The following PLEKHM2 variants were observed in gnomAD, a reference collection of about 807,000 sequenced individuals.
PLEKHM2 encodes the protein pleckstrin homology domain-containing family M member 2.
A neutral mutation model predicts 116.3 loss-of-function variants in PLEKHM2; 77 were observed. That is an observed-to-expected ratio of 0.66 (90% CI 0.55 to 0.80). The LOEUF is 0.80. Among genes scored for constraint, PLEKHM2 ranks in the 30% least tolerant of loss-of-function variants. The pLI, the probability that PLEKHM2 is intolerant of heterozygous loss-of-function variation, is 0.00. For missense variants in PLEKHM2, 1,183 were observed against 1,354.9 expected (o/e 0.87, Z 1.99); for synonymous variants, 562 against 571.0 (o/e 0.98, Z 0.22).
At chr1:15,716,933 G>A in intron 3 of PLEKHM2, 117 bp downstream of exon 3, 2 of 1,267,348 alleles carry the variant, frequency 1.6e-6, no homozygotes, top group Non-Finnish European at 2.2e-6. Context: ...TTACCTGGTG[G>A]TGTCCAGTAG....
At chr1:15,685,541 G>GAAAAAAAAAAAAAAAAAAAGA (rs1640751476) in intron 1 of PLEKHM2, among the ~76,000 whole-genome samples, 6 of 73,462 alleles carry the variant, frequency 8.2e-5, no homozygotes, top group South Asian at 6.6e-4. Context: ...CTCAGAAACT[G>GAAAAAAAAAAAAAAAAAAAGA]AAAAAAAAAA....
At chr1:15,730,790 C>A in intron 15 of PLEKHM2, 68 bp downstream of exon 15, 2 of 1,301,166 alleles carry the variant, frequency 1.5e-6, no homozygotes, top group Non-Finnish European at 2.1e-6. Context: ...AGGTCCCCAG[C>A]GGGGATCTCT....
At position 15,728,231 on chromosome 1, in the gene PLEKHM2, G is replaced by A. The variant is rs762862277; in HGVS notation, c.1831-36G>A. On this transcript the variant is annotated intron_variant, in intron 10 of 19. Coordinates refer to ENST00000375799, the MANE Select transcript of PLEKHM2 (RefSeq NM_015164.4). The surrounding 1 kb of genome is among the most constrained non-coding windows in gnomAD (Gnocchi z 5.9). ...CACCGCCCCCGCTGGAGCGGCAGGA[G>A]CCACCTGCCTGACCCTTGTCTGCTT... The A allele has an allele frequency of 6.1e-5, 98 of 1,608,858 alleles. No homozygotes were observed. The Middle Eastern group carries it at 6.6e-4, about 11-fold the overall frequency.
rs1162344177 is a variant in PLEKHM2 at position 15,727,352 on chromosome 1, G to A, written c.1280G>A (p.Cys427Tyr). ...LNGQLDPSTW[C>Y]SRAEPPDQSF... The stretch of plus-strand genomic sequence containing the variant: ...GGGCAGCTGGACCCCAGCACCTGGT[G>A]CTCCCGTGCTGAGCCCCCAGACCAG... The change falls in exon 9 of 20, where the codon TGC becomes TAC. Residue 427 changes from cysteine to tyrosine, a missense_variant. Cys to Tyr is a radical substitution (Grantham distance 194). Around this residue, in one of 3 missense-constraint regions of PLEKHM2, gnomAD observed 372 missense variants for 357.2 expected, o/e 1.04. Transcript: ENST00000375799. The surrounding 1 kb of genome is among the most constrained non-coding windows in gnomAD (Gnocchi z 7.5). The A allele has an allele frequency of 6.3e-7, 1 of 1,597,372 alleles. No individual in the cohort carries two copies. The highest frequency in any genetic ancestry group is 1.3e-5 in the African/African-American group (1 of 74,572).
intron 1 of PLEKHM2, among the ~76,000 whole-genome samples, chr1:15,705,162 G>C (rs1005552936): frequency 1.4e-5 from 2 of 141,468 alleles, no homozygotes; most frequent in Non-Finnish European, 3.0e-5. Flanking sequence ...ATGTCTCCAC[G>C]TAGATATCTT....
Position 15,694,973 on chromosome 1 carries a change from G to C in PLEKHM2, c.60+10355G>C, listed in dbSNP as rs564593523. Among the ~76,000 whole-genome samples, 14 of 152,218 alleles carry C rather than the reference G, an allele frequency of 9.2e-5. No homozygotes were observed. In the East Asian group the frequency reaches 2.5e-3, roughly 27 times the overall value. On this transcript the variant is annotated intron_variant, in intron 1 of 19. Coordinates refer to ENST00000375799, the MANE Select transcript of PLEKHM2 (RefSeq NM_015164.4). ...GGGTTTCATCATATTGGCCAGGCTG[G>C]TCTTGAACTTCTGACATCAAGTGAT...
intron 3 of PLEKHM2, 90 bp from the exon 4 acceptor site, chr1:15,717,803 G>A: frequency 1.2e-6 from 1 of 810,588 alleles, no homozygotes; most frequent in Non-Finnish European, 2.1e-6. Flanking sequence ...CCCATTACCT[G>A]CTCTTTCTTT....
chr1:15,718,025 C>T (rs1042120145), intron 4 of PLEKHM2, 33 bp downstream of exon 4: 3 of 1,354,554 alleles, frequency 2.2e-6, no homozygotes, highest in Non-Finnish European at 2.1e-6. Context: ...CTCCCCTAGC[C>T]TCAGAGCTCC....
chr1:15,695,911 C>T (rs527761832), intron 1 of PLEKHM2, among the ~76,000 whole-genome samples: 8 of 152,172 alleles, frequency 5.3e-5, no homozygotes, highest in African/African-American at 1.7e-4. Flanking sequence ...AAGTAATCCT[C>T]CTACCTCAGC....
chr1:15,708,097 C>A (rs1641260337), intron 1 of PLEKHM2, among the ~76,000 whole-genome samples: 1 of 151,738 alleles, frequency 6.6e-6, no homozygotes, highest in South Asian at 2.1e-4. Flanking sequence ...GTTGGCCAGG[C>A]TGGTCTTGAA....
At position 15,706,271 on chromosome 1, in the gene PLEKHM2, A is replaced by G. The variant is rs1571037268; in HGVS notation, c.61-9966A>G. ...CCTCATCTCATGCTGCTCACCCCTC[A>G]CTCCCTGAGCTCCAGCCACACCAGG... is the stretch of plus-strand genomic sequence containing the variant. On this transcript the variant is annotated intron_variant, in intron 1 of 19. Transcript: ENST00000375799. Among the ~76,000 whole-genome samples, 4 of 150,714 alleles carry G rather than the reference A, an allele frequency of 2.7e-5. No individual in the cohort carries two copies. The South Asian group carries it at 8.4e-4, about 32-fold the overall frequency.
Position 15,727,132 on chromosome 1 carries a change from C to T in PLEKHM2, c.1060C>T (p.Arg354Cys), listed in dbSNP as rs143372200. The T allele has an allele frequency of 3.6e-4, 580 of 1,590,918 alleles. No individual in the cohort carries two copies. In the African/African-American group the frequency reaches 6.2e-3, roughly 17 times the overall value. The change falls in exon 9 of 20, where the codon CGC becomes TGC. Residue 354 changes from arginine (R) to cysteine (C), a missense_variant. Coordinates refer to ENST00000375799, the MANE Select transcript of PLEKHM2 (RefSeq NM_015164.4). The surrounding 1 kb of genome is among the most constrained non-coding windows in gnomAD (Gnocchi z 7.5). ...TGCCAAGCAGGGGGACGGTGACAGC[C>T]GCAACGGCAGCCCAAGCCTTGGGCG... ...KCAKQGDGDSRNGSPSLGRDS... is the reference protein window; with the variant it reads ...KCAKQGDGDSCNGSPSLGRDS...
intron 1 of PLEKHM2, among the ~76,000 whole-genome samples, chr1:15,702,218 C>A (rs1012691611): frequency 6.6e-6 from 1 of 152,166 alleles, no homozygotes; most frequent in Non-Finnish European, 1.5e-5. Flanking sequence ...CCATGGGACG[C>A]GTCCTCACCC....
At position 15,728,880 on chromosome 1, in the gene PLEKHM2, C is replaced by A; in HGVS notation, c.1986+147C>A. ...TAACTCTCAGAGAGGCTTCTGTACA[C>A]GATGCTGGGGGTAAGAACCAAGCTT... On this transcript the variant is annotated intron_variant, in intron 12 of 19. Coordinates refer to ENST00000375799, the MANE Select transcript of PLEKHM2 (RefSeq NM_015164.4). The surrounding 1 kb of genome is among the most constrained non-coding windows in gnomAD (Gnocchi z 5.9). 1 of 834,148 alleles carries A rather than the reference C, an allele frequency of 1.2e-6. No individual in the cohort carries two copies. The highest frequency in any genetic ancestry group is 1.9e-6 in the Non-Finnish European group (1 of 515,780). The allele number at this position is 834,148 out of a possible 1,614,324, so 51.7% of individuals were successfully genotyped here.
intron 6 of PLEKHM2, among the ~76,000 whole-genome samples, chr1:15,720,128 T>TTATATAAATA (rs147079334): frequency 8.6e-6 from 1 of 115,922 alleles, no homozygotes; most frequent in African/African-American, 4.2e-5. Context: ...AAAGCTGAAA[T>TTATATAAATA]TATATATATA....
intron 1 of PLEKHM2, among the ~76,000 whole-genome samples, chr1:15,691,278 C>T (rs1322074315): frequency 1.3e-5 from 2 of 152,244 alleles, no homozygotes; most frequent in East Asian, 3.9e-4. Context: ...CACTATGTTG[C>T]CCAGGTTGGT....
At chr1:15,705,009 C>T (rs1025707340) in intron 1 of PLEKHM2, among the ~76,000 whole-genome samples, 24 of 151,978 alleles carry the variant, frequency 1.6e-4, no homozygotes, top group Non-Finnish European at 2.4e-4. Flanking sequence ...TGTTGGGCTG[C>T]GTGGGTGAGG....
In PLEKHM2 at chr1:15,716,805, A is replaced by G; in HGVS notation, c.266A>G (p.Asn89Ser). ...GAGGTGCTGCAGCACGTGGCCACCA[A>G]CCTGGGGCGCAGTGAGTAGTCACAA... is the stretch of plus-strand genomic sequence containing the variant. ...QIEVLQHVAT[N>S]LGRSRAWLYL... Residue 89 changes from asparagine (N) to serine (S), a missense_variant, in exon 3 of 20, where the codon AAC (asparagine) becomes AGC (serine). This residue lies in a region of PLEKHM2 where 217 missense variants were observed against 277.6 expected (regional missense o/e 0.78). Transcript: ENST00000375799. The G allele has an allele frequency of 1.3e-6, 2 of 1,563,928 alleles. No homozygotes were observed. The highest frequency in any genetic ancestry group is 1.7e-6 in the Non-Finnish European group (2 of 1,154,028).
Position 15,684,486 on chromosome 1 carries a change from C to T in PLEKHM2, c.-73C>T. The T allele has an allele frequency of 2.3e-6, 2 of 869,222 alleles. No homozygotes were observed. Among genetic ancestry groups the T allele is most frequent in the South Asian group, 5.1e-5 (1 of 19,672 alleles). The allele number at this position is 869,222 out of a possible 1,614,324, so 53.8% of individuals were successfully genotyped here. On this transcript the variant is annotated 5_prime_UTR_variant, in exon 1 of 20. Transcript: ENST00000375799. Reference sequence around the variant, plus strand: ...GGCAGCGGTTGGCGGCGGCCCCCGGCCCCCGGCGCGGGAAGCGGCGGCGGG... The same window carrying T: ...GGCAGCGGTTGGCGGCGGCCCCCGGTCCCCGGCGCGGGAAGCGGCGGCGGG...
Sources: gnomAD v4.1 joint callset for allele counts (sites outside exome capture counted in the v4.1 genomes callset) on GRCh38, gnomAD v4.1.1 for gene constraint, gnomAD v4.1.1 regional missense constraint, Gnocchi (gnomAD v3.1) non-coding constraint, MANE v1.5 for transcripts, NCBI Gene and HGNC (gene_info 2026-07-23, HGNC 2026-07-21) for gene names.